The following COL4A1 variants were observed in gnomAD, a reference collection of about 807,000 sequenced individuals.
COL4A1 encodes the protein collagen type IV alpha 1 chain, also known as collagen alpha-1(IV) chain.
COL4A1 carries 40 observed loss-of-function variants against 216.6 expected under a neutral mutation model. The ratio of observed to expected loss-of-function variants is 0.18; its 90% CI spans 0.14 to 0.24. COL4A1 has a LOEUF of 0.24. Among genes scored for constraint, COL4A1 ranks in the 10% least tolerant of loss-of-function variants. The pLI, the probability that COL4A1 is intolerant of heterozygous loss-of-function variation, is 1.00. For synonymous variants in COL4A1, 839 were observed against 810.7 expected, an observed-to-expected ratio of 1.03 and a Z score of -0.59; for missense variants, 1,628 against 2,196.8, an observed-to-expected ratio of 0.74 and a Z score of 5.18.
chr13:110,197,894 G>A (rs997900284), intron 21 of COL4A1, among the ~76,000 whole-genome samples: 3 of 152,202 alleles, frequency 2.0e-5, no homozygotes, highest in African/African-American at 7.2e-5. Flanking sequence ...CATTGCACAG[G>A]TTGGCTTAAA....
chr13:110,223,163 G>A (rs1159518171), intron 2 of COL4A1, among the ~76,000 whole-genome samples: 1 of 152,004 alleles, frequency 6.6e-6, no homozygotes, highest in Non-Finnish European at 1.5e-5. Context: ...ATAGCTGTAT[G>A]GAAATAGAAA....
intron 1 of COL4A1, among the ~76,000 whole-genome samples, chr13:110,248,252 G>T (rs1484243636): frequency 6.6e-6 from 1 of 152,180 alleles, no homozygotes; most frequent in South Asian, 2.1e-4. Flanking sequence ...TGTATCTTAG[G>T]GCTACTTGGG....
chr13:110,265,781 A>C (rs1410093032), intron 1 of COL4A1: 1 of 152,236 alleles, frequency 6.6e-6, no homozygotes, highest in Non-Finnish European at 1.5e-5. Flanking sequence ...TGCCCGTAGA[A>C]TACAATGGAG....
chr13:110,177,753 G>T, intron 33 of COL4A1, 89 bp downstream of exon 33: 1 of 1,394,642 alleles, frequency 7.2e-7, no homozygotes, highest in Non-Finnish European at 1.0e-6. Context: ...GTCTTAAAGG[G>T]AAATATGATC....
intron 1 of COL4A1, among the ~76,000 whole-genome samples, chr13:110,264,602 T>C (rs1001570686): frequency 6.6e-6 from 1 of 152,256 alleles, no homozygotes; most frequent in South Asian, 2.1e-4. Context: ...ATGCCAACTC[T>C]AGTTCCATAC....
intron 1 of COL4A1, among the ~76,000 whole-genome samples, chr13:110,297,807 AAC>A (rs1346664636): frequency 6.6e-6 from 1 of 152,230 alleles, no homozygotes. Context: ...GTAAGCGCTG[AAC>A]ACACACTTAC....
intron 3 of COL4A1, 46 bp downstream of exon 3, chr13:110,213,880 G>A (rs751188486): frequency 3.2e-5 from 51 of 1,611,872 alleles, no homozygotes; most frequent in Admixed American, 2.8e-4. Context: ...TCAAGAATGC[G>A]GGCAATCTTA....
At chr13:110,301,451 T>A (rs1884489977) in intron 1 of COL4A1, among the ~76,000 whole-genome samples, 1 of 152,242 alleles carries the variant, frequency 6.6e-6, no homozygotes, top group African/African-American at 2.4e-5. Flanking sequence ...ACCGCTCGAG[T>A]GCTTACTTCA....
chr13:110,306,542 C>A (rs1884717566), intron 1 of COL4A1, among the ~76,000 whole-genome samples: 1 of 151,986 alleles, frequency 6.6e-6, no homozygotes, highest in South Asian at 2.1e-4. Context: ...GGTCTCTGAG[C>A]AGCGCGGGGT....
In COL4A1 at chr13:110,245,057, C is replaced by A. The variant is rs554593498; in HGVS notation, c.85-2323G>T. On this transcript the variant is annotated intron_variant, in intron 1 of 51. Coordinates refer to ENST00000375820, the MANE Select transcript of COL4A1 (RefSeq NM_001845.6). ...ATGGAAATCCAGTGGCACCGCGCACCTCAACCACAGTGCATTCGTGCACAA... is the reference window on the plus strand; with the variant it reads ...ATGGAAATCCAGTGGCACCGCGCACATCAACCACAGTGCATTCGTGCACAA... 3.3e-5 allele frequency among the ~76,000 whole-genome samples: 5 copies of A among 152,268 alleles called. No individual in the cohort carries two copies. In the East Asian group the frequency reaches 9.7e-4, roughly 29 times the overall value.
intron 1 of COL4A1, among the ~76,000 whole-genome samples, chr13:110,253,317 ATACATATAATTATATGTAT>A (rs1882291228): frequency 3.7e-5 from 2 of 53,852 alleles, no homozygotes; most frequent in African/African-American, 5.2e-5. Context: ...TGTATTACAT[ATACATATAATTATATGTAT>A]TACATATACA....
At chr13:110,152,753 T>C (rs200882756) in intron 50 of COL4A1, among the ~76,000 whole-genome samples, 2 of 152,184 alleles carry the variant, frequency 1.3e-5, no homozygotes, top group East Asian at 3.9e-4. Context: ...GCTTCCCAAA[T>C]AGGTGACCAG....
At chr13:110,170,776 A>C (rs749945868) in intron 41 of COL4A1, 44 bp from the exon 42 acceptor site, 1 of 1,605,244 alleles carries the variant, frequency 6.2e-7, no homozygotes, top group East Asian at 2.2e-5. Flanking sequence ...ACGCAGCAGC[A>C]GAACAGTAAT....
chr13:110,187,325 G>C lies in COL4A1; in HGVS notation c.1541C>G (p.Pro514Arg). The C allele has an allele frequency of 6.2e-7, 1 of 1,612,186 alleles. No homozygotes were observed. Among genetic ancestry groups the C allele is most frequent in the Non-Finnish European group, 8.5e-7 (1 of 1,179,842 alleles). The part of the protein sequence containing the change: ...GRDGVAGVPG[P>R]QGTPGLIGQP... ...GCCTATCAGCCCTGGTGTACCTTGA[G>C]GGCCCTGTAAGAACAAAGCCTTGTG... Residue 514 changes from proline to arginine, a missense_variant, in exon 25 of 52, where the codon CCT becomes CGT. Physicochemically the swap from Pro to Arg is moderately radical, Grantham distance 103. This residue lies in a region of COL4A1 where 701 missense variants were observed against 892.5 expected (regional missense o/e 0.79). Coordinates refer to ENST00000375820, the MANE Select transcript of COL4A1 (RefSeq NM_001845.6).
chr13:110,238,796 C>T (rs533991947), intron 2 of COL4A1, among the ~76,000 whole-genome samples: 1 of 152,324 alleles, frequency 6.6e-6, no homozygotes, highest in East Asian at 1.9e-4. Context: ...TTTAGCAAAA[C>T]ATAAATGGTT....
In COL4A1 at chr13:110,169,637, C is replaced by T; in HGVS notation, c.3868G>A (p.Gly1290Ser). The change falls in exon 43 of 52, where the codon GGC becomes AGC. Residue 1290 changes from glycine to serine, a missense_variant. By Grantham distance (56) the Gly-to-Ser change is moderately conservative. Coordinates refer to ENST00000375820, the MANE Select transcript of COL4A1 (RefSeq NM_001845.6). The part of the protein sequence containing the change: ...PGPKGDPGFQ[G>S]MPGIGGSPGI... ...ACAAATCAATAACTCACAGGCATGC[C>T]CTGGAATCCAGGGTCTCCCTTGGGC... 1 of 1,613,998 alleles carries T rather than the reference C, an allele frequency of 6.2e-7. No individual in the cohort carries two copies. Among genetic ancestry groups the T allele is most frequent in the Non-Finnish European group, 8.5e-7 (1 of 1,180,016 alleles).
chr13:110,188,084 C>T (rs1481154415), intron 24 of COL4A1, among the ~76,000 whole-genome samples: 1 of 152,194 alleles, frequency 6.6e-6, no homozygotes, highest in Non-Finnish European at 1.5e-5. Context: ...AACACCCATA[C>T]CCACCAATGG....
intron 10 of COL4A1, chr13:110,209,722 G>T: frequency 4.1e-6 from 3 of 727,532 alleles, no homozygotes; most frequent in Non-Finnish European, 2.5e-6. Context: ...TACCCCGCCA[G>T]CCCCTTCAAC....
At chr13:110,176,172 A>G (rs539367212) in intron 36 of COL4A1, among the ~76,000 whole-genome samples, 2 of 152,350 alleles carry the variant, frequency 1.3e-5, no homozygotes, top group African/African-American at 4.8e-5. Context: ...GGAGATCATC[A>G]AAAGTTGACT....
Sources: gnomAD v4.1 joint callset for allele counts (sites outside exome capture counted in the v4.1 genomes callset) on GRCh38, gnomAD v4.1.1 for gene constraint, gnomAD v4.1.1 regional missense constraint, MANE v1.5 for transcripts, NCBI Gene and HGNC (gene_info 2026-07-23, HGNC 2026-07-21) for gene names.